NTN1: variants seen among roughly 807,000 people sequenced by gnomAD.
NTN1 encodes netrin-1.
A neutral mutation model predicts 54.2 loss-of-function variants in NTN1; 11 were observed. That is an observed-to-expected ratio of 0.20 (90% CI 0.13 to 0.34). The LOEUF (loss-of-function observed/expected upper bound fraction) is 0.34, where lower values mean the gene tolerates loss of function less well. Ranked by LOEUF, NTN1 falls within the 10% of genes least tolerant of loss-of-function variation. The pLI, the probability that NTN1 is intolerant of heterozygous loss-of-function variation, is 1.00. For synonymous variants in NTN1, 371 were observed against 382.0 expected (o/e 0.97, Z 0.33); for missense variants, 740 against 893.1 (o/e 0.83, Z 2.18).
At chr17:9,015,940 G>A in the NTN1 span, among the ~76,000 whole-genome samples, 1 of 152,016 alleles carries the variant, frequency 6.6e-6, no homozygotes, top group Non-Finnish European at 1.5e-5. Context: ...CAGGCATGGT[G>A]GTGGGCGCCT....
At chr17:9,231,296 G>GGC (rs375383476) in intron 6 of NTN1, among the ~76,000 whole-genome samples, 1,649 of 62,302 alleles carry the variant, frequency 0.026, 60 homozygotes, top group Admixed American at 0.11. Flanking sequence ...TGGGGTACCC[G>GGC]GGGGGGGACC....
intron 2 of NTN1, among the ~76,000 whole-genome samples, chr17:9,103,969 G>A (rs1427872873): frequency 6.6e-6 from 1 of 150,930 alleles, no homozygotes; most frequent in Non-Finnish European, 1.5e-5. Context: ...GATGCCTGTA[G>A]TCCCAGAGAC....
At chr17:9,083,009 G>A (rs970580038) in intron 2 of NTN1, among the ~76,000 whole-genome samples, 18 of 152,050 alleles carry the variant, frequency 1.2e-4, no homozygotes, top group African/African-American at 4.1e-4. Flanking sequence ...ACAGGAGGTT[G>A]TAGGGGACAC....
chr17:9,192,093 G>T (rs4791815), intron 5 of NTN1, among the ~76,000 whole-genome samples: 42,930 of 152,070 alleles, frequency 0.28, 6,756 homozygotes, highest in East Asian at 0.61. Context: ...TGGTGGGAGG[G>T]TAACCTGGTG....
intron 5 of NTN1, among the ~76,000 whole-genome samples, chr17:9,193,374 C>T (rs1259832516): frequency 6.6e-6 from 1 of 152,158 alleles, no homozygotes; most frequent in Non-Finnish European, 1.5e-5. Flanking sequence ...CTTAGGAATT[C>T]ACATTTTGCG....
intron 2 of NTN1, among the ~76,000 whole-genome samples, chr17:9,060,465 G>A (rs970687639): frequency 6.6e-6 from 1 of 152,094 alleles, no homozygotes; most frequent in African/African-American, 2.4e-5. Flanking sequence ...AGTTATACGC[G>A]GGTTTTTTAC....
In NTN1 at chr17:9,162,981, C is replaced by T; in HGVS notation, c.1187C>T (p.Thr396Ile). 2 of 1,611,778 alleles carry T rather than the reference C, an allele frequency of 1.2e-6. No homozygotes were observed. Among genetic ancestry groups the T allele is most frequent in the Non-Finnish European group, 8.5e-7 (1 of 1,178,924 alleles). ...TACCGCGACATGGGCAAGCCCATCA[C>T]CCACCGGAAGGCCTGCAAAGGTGGG... ...GYYRDMGKPITHRKACKACDC... is the reference protein window; with the variant it reads ...GYYRDMGKPIIHRKACKACDC... The change falls in exon 3 of 7, where the codon ACC (threonine) becomes ATC (isoleucine). Residue 396 changes from threonine to isoleucine, a missense_variant. Thr to Ile is a moderately conservative substitution (Grantham distance 89). Transcript: ENST00000173229.
At chr17:9,096,103 T>G (rs1474621971) in intron 2 of NTN1, among the ~76,000 whole-genome samples, 2 of 151,998 alleles carry the variant, frequency 1.3e-5, no homozygotes, top group African/African-American at 4.8e-5. Flanking sequence ...AGCCAAATCT[T>G]TATAATATTG....
At chr17:9,200,177 G>A (rs942661405) in intron 5 of NTN1, among the ~76,000 whole-genome samples, 8 of 152,272 alleles carry the variant, frequency 5.3e-5, no homozygotes, top group African/African-American at 1.4e-4. Flanking sequence ...GCTGACAGCA[G>A]TTCTAGTCTG....
At chr17:9,226,444 G>A (rs1335260068) in intron 6 of NTN1, among the ~76,000 whole-genome samples, 2 of 89,554 alleles carry the variant, frequency 2.2e-5, no homozygotes, top group East Asian at 1.3e-3. Context: ...AGGCGGTCTC[G>A]TGGGGAGGCT....
At chr17:9,126,740 G>A (rs910158648) in intron 2 of NTN1, among the ~76,000 whole-genome samples, 14 of 152,118 alleles carry the variant, frequency 9.2e-5, no homozygotes, top group Admixed American at 1.3e-4. Flanking sequence ...GGGAATCAGC[G>A]GAGTCAAGCA....
chr17:9,076,042 C>T (rs1464669281), intron 2 of NTN1, among the ~76,000 whole-genome samples: 1 of 152,240 alleles, frequency 6.6e-6, no homozygotes, highest in Non-Finnish European at 1.5e-5. Context: ...TTTTTAAAAA[C>T]TGCTGGTCAG....
intron 5 of NTN1, among the ~76,000 whole-genome samples, chr17:9,208,405 G>A (rs972101152): frequency 2.0e-5 from 3 of 152,184 alleles, no homozygotes; most frequent in Admixed American, 2.0e-4. Context: ...TCAGCTTATT[G>A]TCCAGAGTGT....
At chr17:9,035,302 C>A (rs138602358) in intron 2 of NTN1, among the ~76,000 whole-genome samples, 3 of 152,180 alleles carry the variant, frequency 2.0e-5, no homozygotes, top group Admixed American at 6.5e-5. Context: ...GCTTCTTTTG[C>A]TCCATGTTAC....
chr17:9,120,423 T>C (rs559350791), intron 2 of NTN1, among the ~76,000 whole-genome samples: 2 of 152,298 alleles, frequency 1.3e-5, no homozygotes, highest in African/African-American at 4.8e-5. Context: ...GGGCCCTGCA[T>C]AAATGTCCAA....
At chr17:9,155,620 C>T (rs760153871) in intron 2 of NTN1, among the ~76,000 whole-genome samples, 4 of 151,654 alleles carry the variant, frequency 2.6e-5, no homozygotes, top group Admixed American at 6.6e-5. Flanking sequence ...GGATTACAGG[C>T]GTGAGCCACT....
rs758056714 is a variant in NTN1, at chr17:9,179,936, C to G, written c.1337C>G (p.Ser446Cys). 1.2e-6 allele frequency: 2 copies of G among 1,613,790 alleles called. No individual in the cohort carries two copies. The highest frequency in any genetic ancestry group is 1.7e-6 in the Non-Finnish European group (2 of 1,179,922). The change falls in exon 4 of 7, where the codon TCT becomes TGT. Residue 446 changes from serine (S) to cysteine (C), a missense_variant. Physicochemically the swap from Ser to Cys is moderately radical, Grantham distance 112. Coordinates refer to ENST00000173229, the MANE Select transcript of NTN1 (RefSeq NM_004822.3). ...GCCAAAGGCTACCAGCAGAGCCGCT[C>G]TCCCATCGCCCCCTGCATAAGTATG... is the stretch of plus-strand genomic sequence containing the variant. ...RCAKGYQQSR[S>C]PIAPCIKIPV...
chr17:9,160,130 G>A (rs2142296477), intron 2 of NTN1, among the ~76,000 whole-genome samples: 1 of 152,254 alleles, frequency 6.6e-6, no homozygotes, highest in Non-Finnish European at 1.5e-5. Context: ...TAATTTTTGT[G>A]AGATAGGGTC....
the NTN1 span, among the ~76,000 whole-genome samples, chr17:9,010,819 G>C: frequency 7.9e-5 from 12 of 152,128 alleles, 1 homozygote; most frequent in Non-Finnish European, 4.4e-5. Context: ...TTCCATGGGC[G>C]TGGGGGTAGG....
Sources: allele counts gnomAD v4.1 joint callset (sites outside exome capture counted in the v4.1 genomes callset), GRCh38; gene constraint gnomAD v4.1.1; transcripts MANE v1.5; gene names NCBI Gene and HGNC (gene_info 2026-07-23, HGNC 2026-07-21).